The following PPY variants were observed in gnomAD, a reference collection of about 807,000 sequenced individuals.
PPY encodes pancreatic polypeptide prohormone.
A neutral mutation model predicts 9.3 loss-of-function variants in PPY; 6 were observed. The observed-to-expected ratio is 0.64, with a 90% confidence interval of 0.35 to 1.27. PPY has a LOEUF of 1.27. Ranked by LOEUF, PPY falls within the 50% of genes most tolerant of loss-of-function variation. The pLI is 0.03. For synonymous variants in PPY, 58 were observed against 54.6 expected (o/e 1.06, Z -0.27); for missense variants, 109 against 119.1 (o/e 0.91, Z 0.40).
rs1328897865 is a variant in PPY, at chr17:43,941,213, A to T, written c.193T>A (p.Tyr65Asn). Residue 65 changes from tyrosine (Y) to asparagine (N), a missense_variant and splice_region_variant, in exon 3 of 4, where the codon TAT becomes AAT. Physicochemically the swap from Tyr to Asn is moderately radical, Grantham distance 143. Transcript: ENST00000225992. The stretch of plus-strand genomic sequence containing the variant: ...GTGTCCTCTTTGTGTCTTTTCCCAT[A>T]CCTGGGAGGGAAGAGGCAGCAGGGG... ...RYINMLTRPR[Y>N]GKRHKEDTLA... is the part of the protein sequence containing the mutation. 6.4e-7 allele frequency: 1 copy of T among 1,551,294 alleles called. No homozygotes were observed. Among genetic ancestry groups the T allele is most frequent in the Admixed American group, 2.0e-5 (1 of 50,982 alleles).
rs1434834778 is a variant in PPY at position 43,940,824 on chromosome 17, G to A, written c.*104C>T. 6.8e-7 allele frequency: 1 copy of A among 1,461,598 alleles called. No individual in the cohort carries two copies. The highest frequency in any genetic ancestry group is 2.0e-5 in the Admixed American group (1 of 50,802). The allele number at this position is 1,461,598 out of a possible 1,614,324, so 90.5% of individuals were successfully genotyped here. On this transcript the variant is annotated 3_prime_UTR_variant, in exon 4 of 4. Transcript: ENST00000225992. ...GGCTGTGGCTTTGACTTGCTTTATT[G>A]AGCCTGTGTGGGAGCAGGGAGCAAG...
At chr17:43,943,554 C>T (rs538493946), upstream of PPY, among the ~76,000 whole-genome samples, 69 of 152,200 alleles carry the variant, frequency 4.5e-4, no homozygotes, top group Non-Finnish European at 7.9e-4. Context: ...CCCAGCGTCT[C>T]TTCCCAACCC....
Position 43,940,939 on chromosome 17 carries a change from G to T in PPY, c.277C>A (p.Leu93Met). ...HAAVPRELSP[L>M]DL The stretch of plus-strand genomic sequence containing the variant: ...GACAGAAGGTGGCATTATAAGTCCA[G>T]CGGGCTGAGCTCCCTGTGAGGACAG... The change falls in exon 4 of 4, where the codon CTG becomes ATG. Residue 93 changes from leucine (L) to methionine (M), a missense_variant. Transcript: ENST00000225992. 6.2e-7 allele frequency: 1 copy of T among 1,608,164 alleles called. No individual in the cohort carries two copies. The highest frequency in any genetic ancestry group is 8.5e-7 in the Non-Finnish European group (1 of 1,177,532).
At position 43,940,972 on chromosome 17, in the gene PPY, C is replaced by G; in HGVS notation, c.264-20G>C. On this transcript the variant is annotated intron_variant, in intron 3 of 3. Coordinates refer to ENST00000225992, the MANE Select transcript of PPY (RefSeq NM_002722.5). ...AGCTCCCTGTGAGGACAGGGCAGAA[C>G]ATGGCAGTGTAGGGGGTAGGCCTCG... 1 of 1,605,674 alleles carries G rather than the reference C, an allele frequency of 6.2e-7. No homozygotes were observed. Among genetic ancestry groups the G allele is most frequent in the Non-Finnish European group, 8.5e-7 (1 of 1,176,354 alleles).
chr17:43,941,089 A>G (rs1254726683), intron 3 of PPY, 54 bp downstream of exon 3: 1 of 1,546,778 alleles, frequency 6.5e-7, no homozygotes, highest in African/African-American at 1.4e-5. Context: ...CAGTCCCACC[A>G]CCCCCATTTC....
upstream of PPY, among the ~76,000 whole-genome samples, chr17:43,943,546 C>A (rs934845363): frequency 1.3e-5 from 2 of 152,166 alleles, no homozygotes; most frequent in African/African-American, 4.8e-5. Context: ...CTCCCCTGCC[C>A]AGCGTCTCTT....
At chr17:43,943,630 C>T (rs150238918), upstream of PPY, among the ~76,000 whole-genome samples, 197 of 152,216 alleles carry the variant, frequency 1.3e-3, 1 homozygote, top group African/African-American at 4.3e-3. Flanking sequence ...CACGGTGACA[C>T]CAAGTACGGA....
At position 43,941,091 on chromosome 17, in the gene PPY, C is replaced by T; in HGVS notation, c.263+52G>A. ...CCAAGCCCTGATTCAGTCCCACCAC[C>T]CCCATTTCAGCTCCAGGGAGCTGGA... is the stretch of plus-strand genomic sequence containing the variant. On this transcript the variant is annotated intron_variant, in intron 3 of 3. Coordinates refer to ENST00000225992, the MANE Select transcript of PPY (RefSeq NM_002722.5). 3.2e-6 allele frequency: 5 copies of T among 1,547,970 alleles called. No individual in the cohort carries two copies. In the Admixed American group the frequency reaches 5.9e-5, roughly 18 times the overall value.
chr17:43,941,276 A>G lies in PPY; in HGVS notation c.192-62T>C, dbSNP rs75474590. 280 of 1,532,698 alleles carry G rather than the reference A, an allele frequency of 1.8e-4. No homozygotes were observed. In the African/African-American group the frequency reaches 3.5e-3, roughly 19 times the overall value. 94.9% of individuals were successfully genotyped at this position (1,532,698 alleles called of 1,614,324 possible). On this transcript the variant is annotated intron_variant, in intron 2 of 3. Coordinates refer to ENST00000225992, the MANE Select transcript of PPY (RefSeq NM_002722.5). Reference sequence around the variant, plus strand: ...CCAGGTGCCAGCCCACCTGTTTCATATCTGCCTGTAGGCACCATCTTGCCC... The same window carrying G: ...CCAGGTGCCAGCCCACCTGTTTCATGTCTGCCTGTAGGCACCATCTTGCCC...
Position 43,942,229 on chromosome 17 carries a change from G to A in PPY, c.-1+192C>T, listed in dbSNP as rs2048584431. The A allele has an allele frequency of 1.2e-5, 2 of 162,892 alleles. No individual in the cohort carries two copies. The highest frequency in any genetic ancestry group is 4.8e-5 in the African/African-American group (2 of 41,830). The allele number at this position is 162,892 out of a possible 1,614,324, so 10.1% of individuals were successfully genotyped here. ...TTCCAGTTCACAGCCATGCACACGA[G>A]TGTGCACACACACGTGCAGTCAGCA... On this transcript the variant is annotated intron_variant, in intron 1 of 3. Coordinates refer to ENST00000225992, the MANE Select transcript of PPY (RefSeq NM_002722.5). This position sits in a 1 kb window ranked among gnomAD's most constrained non-coding sequence, Gnocchi z 5.3.
rs1457612093 is a variant in PPY, at chr17:43,941,561, G to A, written c.94C>T (p.Leu32=). The part of the protein sequence containing the change: ...QPLLGAQGAP[L]EPVYPGDNAT... ...TTGTCCCCTGGGTACACTGGCTCCA[G>A]TGGGGCTCCCTGGGCACCCAGCAGT... is the stretch of plus-strand genomic sequence containing the variant. Residue 32 remains leucine, a synonymous_variant, in exon 2 of 4, where the codon CTG becomes TTG. Coordinates refer to ENST00000225992, the MANE Select transcript of PPY (RefSeq NM_002722.5). 1.2e-5 allele frequency: 19 copies of A among 1,613,886 alleles called. No homozygotes were observed. Among genetic ancestry groups the A allele is most frequent in the Non-Finnish European group, 1.4e-5 (17 of 1,180,016 alleles).
chr17:43,941,840 G>A (rs1353020353), intron 1 of PPY, among the ~76,000 whole-genome samples, 186 bp from the exon 2 acceptor site: 1 of 152,172 alleles, frequency 6.6e-6, no homozygotes, highest in African/African-American at 2.4e-5. Context: ...CTGAAGGCAC[G>A]GACAGCCTGT....
In PPY at chr17:43,942,010, C is replaced by G. The variant is rs231472; in HGVS notation, c.1-356G>C. On this transcript the variant is annotated intron_variant, in intron 1 of 3. Coordinates refer to ENST00000225992, the MANE Select transcript of PPY (RefSeq NM_002722.5). The surrounding 1 kb of genome is among the most constrained non-coding windows in gnomAD (Gnocchi z 5.3). The stretch of plus-strand genomic sequence containing the variant: ...GAATAAGGGCATGCCAGGTCACCCA[C>G]AGGGTGGGGGACACAGAATGAACTC... 0.013 allele frequency among the ~76,000 whole-genome samples: 2,041 copies of G among 152,274 alleles called. 153 individuals are homozygous for G. In the East Asian group the frequency reaches 0.23, roughly 17 times the overall value.
intron 1 of PPY, 126 bp from the exon 2 acceptor site, chr17:43,941,780 C>G (rs2048581076): frequency 1.9e-6 from 2 of 1,071,248 alleles, no homozygotes; most frequent in South Asian, 3.1e-5. Flanking sequence ...GACAAGGGGG[C>G]AGAGCAAAGG....
chr17:43,942,885 G>GCAGCTGGAAGACTGAGGCTA (rs1238334101), upstream of PPY, among the ~76,000 whole-genome samples: 7 of 152,228 alleles, frequency 4.6e-5, no homozygotes, highest in East Asian at 1.3e-3. The surrounding 1 kb of genome is among the most constrained non-coding windows in gnomAD (Gnocchi z 5.3). Flanking sequence ...GATTGAGGCT[G>GCAGCTGGAAGACTGAGGCTA]CAGCTGGAAG....
upstream of PPY, among the ~76,000 whole-genome samples, chr17:43,942,931 T>A (rs752068864): frequency 1.3e-5 from 2 of 152,102 alleles, no homozygotes; most frequent in African/African-American, 4.8e-5. This position sits in a 1 kb window ranked among gnomAD's most constrained non-coding sequence, Gnocchi z 5.3. Flanking sequence ...GGCTGAAGAA[T>A]GGAAACTCAG....
At chr17:43,942,968 A>T (rs1396300529), upstream of PPY, among the ~76,000 whole-genome samples, 1 of 152,186 alleles carries the variant, frequency 6.6e-6, no homozygotes, top group African/African-American at 2.4e-5. The surrounding 1 kb of genome is among the most constrained non-coding windows in gnomAD (Gnocchi z 5.3). Flanking sequence ...TGCAACTAGA[A>T]CAAGGTGGGA....
rs371828588 is a variant in PPY at position 43,940,845 on chromosome 17, G to A, written c.*83C>T. The A allele has an allele frequency of 7.9e-5, 121 of 1,523,558 alleles. 2 individuals carry two copies. The African/African-American group carries it at 1.6e-3, about 20-fold the overall frequency. The allele number at this position is 1,523,558 out of a possible 1,614,324, so 94.4% of individuals were successfully genotyped here. ...TATTGAGCCTGTGTGGGAGCAGGGA[G>A]CAAGCTTTGGCCAGAGCCAAGGGTG... On this transcript the variant is annotated 3_prime_UTR_variant, in exon 4 of 4. Coordinates refer to ENST00000225992, the MANE Select transcript of PPY (RefSeq NM_002722.5).
Position 43,941,507 on chromosome 17 carries a change from C to T in PPY, c.148G>A (p.Ala50Thr). The change falls in exon 2 of 4, where the codon GCA becomes ACA. Residue 50 changes from alanine to threonine, a missense_variant. Coordinates refer to ENST00000225992, the MANE Select transcript of PPY (RefSeq NM_002722.5). ...TTGATGTATCTACGGAGATCAGCTG[C>T]ATACTGGGCCATCTGCTCTGGTGTG... ...NATPEQMAQY[A>T]ADLRRYINML... is the part of the protein sequence containing the mutation. 1.2e-6 allele frequency: 2 copies of T among 1,614,072 alleles called. No individual in the cohort carries two copies. Among genetic ancestry groups the T allele is most frequent in the Admixed American group, 1.7e-5 (1 of 60,036 alleles).
Sources: gnomAD v4.1 joint callset for allele counts (sites outside exome capture counted in the v4.1 genomes callset) on GRCh38, gnomAD v4.1.1 for gene constraint, Gnocchi (gnomAD v3.1) non-coding constraint, MANE v1.5 for transcripts, NCBI Gene and HGNC (gene_info 2026-07-23, HGNC 2026-07-21) for gene names.